The following CUL1 variants were observed in gnomAD, a reference collection of about 807,000 sequenced individuals.
The protein encoded by CUL1 is cullin-1.
A neutral mutation model predicts 118.0 loss-of-function variants in CUL1; 24 were observed. The observed-to-expected ratio is 0.20, with a 90% confidence interval of 0.15 to 0.29. The LOEUF is 0.29. CUL1 is among the 10% of genes least tolerant of loss of function. The probability of loss-of-function intolerance (pLI) is 1.00; values close to 1 mark genes in which losing one functional copy is unlikely to be tolerated. For synonymous variants in CUL1, 332 were observed against 340.4 expected, an observed-to-expected ratio of 0.98 and a Z score of 0.27; for missense variants, 361 against 933.8, an observed-to-expected ratio of 0.39 and a Z score of 7.99.
chr7:148,752,387 T>C (rs371035541), intron 2 of CUL1, among the ~76,000 whole-genome samples: 1 of 125,194 alleles, frequency 8.0e-6, no homozygotes, highest in Non-Finnish European at 1.7e-5. Flanking sequence ...ATACAGTAGT[T>C]GTTTATTGTA....
At chr7:148,770,194 A>G (rs1800162057) in intron 9 of CUL1, among the ~76,000 whole-genome samples, 1 of 152,258 alleles carries the variant, frequency 6.6e-6, no homozygotes, top group Non-Finnish European at 1.5e-5. Context: ...CAGCAATGAC[A>G]GCACAAATAA....
At chr7:148,793,857 T>G (rs1218521873) in intron 17 of CUL1, among the ~76,000 whole-genome samples, 1 of 152,234 alleles carries the variant, frequency 6.6e-6, no homozygotes, top group Non-Finnish European at 1.5e-5. Context: ...TTTCATATTC[T>G]CACCAACAGT....
chr7:148,760,792 G>A (rs1174222377), intron 7 of CUL1, among the ~76,000 whole-genome samples: 1 of 152,192 alleles, frequency 6.6e-6, no homozygotes, highest in African/African-American at 2.4e-5. Context: ...GGGCATCACA[G>A]TCATGTCAAT....
chr7:148,769,930 A>T (rs942195394), intron 9 of CUL1, among the ~76,000 whole-genome samples: 8 of 152,190 alleles, frequency 5.3e-5, no homozygotes, highest in Non-Finnish European at 8.8e-5. Context: ...GAAAGATGGG[A>T]CGTTAATTCT....
At chr7:148,712,152 A>G (rs1349731758) in intron 1 of CUL1, among the ~76,000 whole-genome samples, 1 of 152,202 alleles carries the variant, frequency 6.6e-6, no homozygotes, top group African/African-American at 2.4e-5. Flanking sequence ...AACTTTTTGG[A>G]TGCTGATGTG....
intron 14 of CUL1, among the ~76,000 whole-genome samples, chr7:148,789,064 G>T (rs1452749211): frequency 6.6e-6 from 1 of 152,324 alleles, no homozygotes; most frequent in South Asian, 2.1e-4. Flanking sequence ...GTACAGGCAG[G>T]TGCAGGTGAT....
intron 1 of CUL1, among the ~76,000 whole-genome samples, chr7:148,713,983 G>A (rs1445153000): frequency 6.6e-6 from 1 of 152,190 alleles, no homozygotes; most frequent in African/African-American, 2.4e-5. Flanking sequence ...GCCTCCCAAA[G>A]TTCTGGGATT....
intron 2 of CUL1, among the ~76,000 whole-genome samples, chr7:148,735,208 A>G (rs1302655663): frequency 1.3e-5 from 2 of 152,236 alleles, no homozygotes; most frequent in Non-Finnish European, 2.9e-5. Context: ...TTTGACGTTT[A>G]GTGATAAGGT....
At chr7:148,757,207 G>T in intron 4 of CUL1, 57 bp downstream of exon 4, 1 of 1,184,290 alleles carries the variant, frequency 8.4e-7, no homozygotes, top group Non-Finnish European at 1.1e-6. Flanking sequence ...TTTTTTTAAT[G>T]GCAAATTGTC....
chr7:148,744,837 T>TC (rs1327867266), intron 2 of CUL1, among the ~76,000 whole-genome samples: 2 of 152,216 alleles, frequency 1.3e-5, no homozygotes, highest in African/African-American at 4.8e-5. Context: ...TATTTTGCCT[T>TC]CATCTTTGAA....
intron 1 of CUL1, among the ~76,000 whole-genome samples, chr7:148,713,208 G>C (rs1798105566): frequency 6.6e-6 from 1 of 152,158 alleles, no homozygotes; most frequent in South Asian, 2.1e-4. Context: ...TACCAATCTA[G>C]ACCATTGAGT....
rs150235231 is a variant in CUL1, at chr7:148,730,376, T to C, written c.140+114T>C. 6.2e-4 allele frequency: 765 copies of C among 1,228,640 alleles called. 1 individual carries two copies. The Middle Eastern group carries it at 0.015, about 24-fold the overall frequency. The allele number at this position is 1,228,640 out of a possible 1,614,324, so 76.1% of individuals were successfully genotyped here. On this transcript the variant is annotated intron_variant, in intron 2 of 21. Transcript: ENST00000325222. ...TCTCCTCCCAGTTCATCATGTAAAA[T>C]AATCGCAGGGTTCATTTTTAGCCTT... is the stretch of plus-strand genomic sequence containing the variant.
intron 1 of CUL1, among the ~76,000 whole-genome samples, chr7:148,704,584 A>G (rs962748468): frequency 1.3e-5 from 2 of 152,216 alleles, no homozygotes; most frequent in Non-Finnish European, 2.9e-5. Context: ...GTTGTTAAGG[A>G]TGATTATTTC....
At chr7:148,737,413 C>T (rs936113839) in intron 2 of CUL1, among the ~76,000 whole-genome samples, 6 of 151,736 alleles carry the variant, frequency 4.0e-5, no homozygotes, top group Non-Finnish European at 5.9e-5. Context: ...CAGAAATGCA[C>T]GTACCCACAG....
chr7:148,725,165 T>G (rs1287698802), intron 1 of CUL1, among the ~76,000 whole-genome samples: 10 of 151,050 alleles, frequency 6.6e-5, no homozygotes, highest in African/African-American at 9.8e-5. Context: ...ATCAATAGAT[T>G]AAGCATGGGC....
rs1222158921 is a variant in CUL1 at position 148,800,997 on chromosome 7, AAT to A, written c.*416_*417del. 1 of 154,780 alleles carries A rather than the reference AAT, an allele frequency of 6.5e-6. No individual in the cohort carries two copies. Among genetic ancestry groups the A allele is most frequent in the Non-Finnish European group, 1.4e-5 (1 of 69,598 alleles). The allele number at this position is 154,780 out of a possible 1,614,324, so 9.6% of individuals were successfully genotyped here. A position where few individuals can be genotyped will look rare whatever the true frequency, so the allele number is the denominator to read the frequency against. The stretch of plus-strand genomic sequence containing the variant: ...ATTTGTATAGTGTGTTTCATTTTTT[AAT>A]GTGTGAAAATAAAGAAAATTAAAGG... On this transcript the variant is annotated 3_prime_UTR_variant, in exon 22 of 22. Transcript: ENST00000325222. This position sits in a 1 kb window ranked among gnomAD's most constrained non-coding sequence, Gnocchi z 4.6.
At chr7:148,703,602 G>A (rs1193800316) in intron 1 of CUL1, among the ~76,000 whole-genome samples, 1 of 151,632 alleles carries the variant, frequency 6.6e-6, no homozygotes, top group African/African-American at 2.4e-5. Flanking sequence ...GCGTGATCTC[G>A]GCTCACTGCA....
chr7:148,710,689 G>A (rs1031734482), intron 1 of CUL1, among the ~76,000 whole-genome samples: 3 of 150,442 alleles, frequency 2.0e-5, no homozygotes, highest in Admixed American at 6.6e-5. Context: ...TTGGGGTTTC[G>A]CTGTTGTCTC....
At chr7:148,796,596 C>T (rs1801207182) in intron 17 of CUL1, among the ~76,000 whole-genome samples, 1 of 152,108 alleles carries the variant, frequency 6.6e-6, no homozygotes, top group East Asian at 1.9e-4. Flanking sequence ...GGCCTGGTTG[C>T]CCCCTAGACT....
Sources: gnomAD v4.1 joint callset for allele counts (sites outside exome capture counted in the v4.1 genomes callset) on GRCh38, gnomAD v4.1.1 for gene constraint, Gnocchi (gnomAD v3.1) non-coding constraint, MANE v1.5 for transcripts, NCBI Gene and HGNC (gene_info 2026-07-23, HGNC 2026-07-21) for gene names.